Variants in EEF2K observed in about 807,000 individuals in gnomAD.
EEF2K encodes alternative protein EEF2K.
In EEF2K, 70 loss-of-function variants were observed where a neutral mutation model predicts 93.8. The ratio of observed to expected loss-of-function variants is 0.75; its 90% CI spans 0.62 to 0.91. The LOEUF (loss-of-function observed/expected upper bound fraction) is 0.91, where lower values mean the gene tolerates loss of function less well. EEF2K is among the 40% of genes least tolerant of loss of function. EEF2K has a pLI of 0.00. For missense variants in EEF2K, 935 were observed against 972.9 expected (o/e 0.96, Z 0.52); for synonymous variants, 376 against 380.8 (o/e 0.99, Z 0.15).
chr16:22,232,296 A>G (rs1182911652), intron 2 of EEF2K, among the ~76,000 whole-genome samples: 1 of 152,082 alleles, frequency 6.6e-6, no homozygotes, highest in Admixed American at 6.6e-5. Flanking sequence ...GCATGATCAT[A>G]ACTCACTGCA....
chr16:22,210,710 G>A (rs1226504651), intron 1 of EEF2K, among the ~76,000 whole-genome samples: 2 of 152,130 alleles, frequency 1.3e-5, no homozygotes, highest in African/African-American at 4.8e-5. Context: ...GTTCAGGGGA[G>A]GCTTCATGAA....
rs1460742413 is a variant in EEF2K at position 22,273,644 on chromosome 16, AC to A, written c.1785del (p.Gly597AspfsTer6). 5.0e-6 allele frequency: 8 copies of A among 1,614,140 alleles called. No individual in the cohort carries two copies. In the East Asian group the frequency reaches 1.8e-4, roughly 36 times the overall value. ...TCAACAGGAGACAGAAGAGAACAAA[AC>A]CAAAGGATTTGATTACTTACTAAAG... ...VSLKETEENK[T>X]KGFDYLLKAA... On this transcript the variant is annotated frameshift_variant, in exon 16 of 18. Transcript: ENST00000263026. LOFTEE classifies it high-confidence loss of function.
chr16:22,210,756 CAGTCAAGTTGGCCAGGGGATGAGT>C (rs1405954551), intron 1 of EEF2K, among the ~76,000 whole-genome samples: 1 of 152,094 alleles, frequency 6.6e-6, no homozygotes, highest in African/African-American at 2.4e-5. Context: ...GAGGGATGAG[CAGTCAAGTTGGCCAGGGGATGAGT>C]AGGGAGGACA....
chr16:22,243,064 G>GA lies in EEF2K; in HGVS notation c.247-1557dup, dbSNP rs201829985. Among the ~76,000 whole-genome samples the GA allele has an allele frequency of 3.5e-4, 52 of 149,136 alleles. No homozygotes were observed. In the South Asian group the frequency reaches 5.7e-3, roughly 16 times the overall value. On this transcript the variant is annotated intron_variant, in intron 2 of 17. Coordinates refer to ENST00000263026, the MANE Select transcript of EEF2K (RefSeq NM_013302.5). ...GGGACAGGGTGAGACCCCGTCTCTT[G>GA]AAAAAAAAATAAAAAATAAAAAAGG...
intron 1 of EEF2K, among the ~76,000 whole-genome samples, chr16:22,223,943 A>G (rs746068745): frequency 3.9e-5 from 6 of 152,182 alleles, no homozygotes; most frequent in Non-Finnish European, 8.8e-5. Flanking sequence ...GTGGTGGCTC[A>G]CATCTGTAAT....
intron 2 of EEF2K, among the ~76,000 whole-genome samples, chr16:22,240,917 G>A (rs60943562): frequency 1.5e-4 from 23 of 151,956 alleles, no homozygotes; most frequent in African/African-American, 5.3e-4. Context: ...TTACAGGCTC[G>A]TGCCACCATG....
chr16:22,268,858 G>A (rs1430102271), intron 15 of EEF2K, among the ~76,000 whole-genome samples: 3 of 151,818 alleles, frequency 2.0e-5, no homozygotes, highest in Non-Finnish European at 4.4e-5. Flanking sequence ...TTGGGAGGCT[G>A]AGGCAGGAGA....
chr16:22,269,323 C>A lies in EEF2K; in HGVS notation c.1764+2447C>A, dbSNP rs189178609. ...CTCCATCTTTCCCTCGTGTCCCTATCTCCCTGTTTCTTCTGCTCTTGTAAA... is the reference window on the plus strand; with the variant it reads ...CTCCATCTTTCCCTCGTGTCCCTATATCCCTGTTTCTTCTGCTCTTGTAAA... On this transcript the variant is annotated intron_variant, in intron 15 of 17. Coordinates refer to ENST00000263026, the MANE Select transcript of EEF2K (RefSeq NM_013302.5). Among the ~76,000 whole-genome samples, 916 of 152,234 alleles carry A rather than the reference C, an allele frequency of 6.0e-3. 6 individuals carry two copies. Among genetic ancestry groups the A allele is most frequent in the Non-Finnish European group, 0.01 (683 of 68,014 alleles).
At chr16:22,209,071 C>T (rs1435694825) in intron 1 of EEF2K, among the ~76,000 whole-genome samples, 1 of 152,194 alleles carries the variant, frequency 6.6e-6, no homozygotes, top group African/African-American at 2.4e-5. Flanking sequence ...CTCTGTTGCC[C>T]AGGCTGGAGT....
intron 2 of EEF2K, among the ~76,000 whole-genome samples, chr16:22,234,100 A>G (rs1212526194): frequency 6.6e-6 from 1 of 152,150 alleles, no homozygotes; most frequent in Non-Finnish European, 1.5e-5. Flanking sequence ...CCCCCCCCAG[A>G]GGTGAACTGG....
Position 22,256,823 on chromosome 16 carries a change from A to G in EEF2K, c.694A>G (p.Ile232Val). ...GKPLFHLEHY[I>V]EGKYIKYNSN... is the part of the protein sequence containing the mutation. ...GCCCCTCTTCCACCTGGAGCACTAC[A>G]TCGAGGGCAAGTACATCAAGTACAA... The change falls in exon 7 of 18, where the codon ATC becomes GTC. Residue 232 changes from isoleucine (I) to valine (V), a missense_variant. By Grantham distance (29) the Ile-to-Val change is conservative. Coordinates refer to ENST00000263026, the MANE Select transcript of EEF2K (RefSeq NM_013302.5). The G allele has an allele frequency of 1.2e-6, 2 of 1,614,180 alleles. No homozygotes were observed. The highest frequency in any genetic ancestry group is 1.7e-6 in the Non-Finnish European group (2 of 1,180,038).
In EEF2K at chr16:22,250,717, G is replaced by A; in HGVS notation, c.446+26G>A. The A allele has an allele frequency of 3.1e-6, 5 of 1,614,076 alleles. No homozygotes were observed. In the South Asian group the frequency reaches 4.4e-5, roughly 14 times the overall value. ...GTAAGTGACTCAGCCTGGCTCTTGG[G>A]GCCCTGCCCAGAGTCCCCCCAGGCT... On this transcript the variant is annotated intron_variant, in intron 5 of 17. Transcript: ENST00000263026.
At chr16:22,250,468 C>T (rs1328565793) in intron 4 of EEF2K, among the ~76,000 whole-genome samples, 186 bp from the exon 5 acceptor site, 1 of 152,084 alleles carries the variant, frequency 6.6e-6, no homozygotes, top group Non-Finnish European at 1.5e-5. Context: ...CTGGCAGCCT[C>T]TGGGTTGGAA....
chr16:22,268,520 G>A (rs2047546602), intron 15 of EEF2K, among the ~76,000 whole-genome samples: 1 of 152,018 alleles, frequency 6.6e-6, no homozygotes. Flanking sequence ...AAGTTGGAGT[G>A]CAGTGGCATG....
chr16:22,256,931 C>A (rs778733261), intron 7 of EEF2K, 34 bp downstream of exon 7: 1 of 1,610,940 alleles, frequency 6.2e-7, no homozygotes, highest in African/African-American at 1.3e-5. Context: ...CTCTGCCCAC[C>A]ACAGCCCTTG....
intron 2 of EEF2K, among the ~76,000 whole-genome samples, chr16:22,242,708 A>C (rs2047236196): frequency 6.6e-6 from 1 of 152,086 alleles, no homozygotes; most frequent in African/African-American, 2.4e-5. Context: ...AAGGCCGGGA[A>C]TGCCAGCAAC....
At chr16:22,252,249 G>T (rs1029497285) in intron 6 of EEF2K, among the ~76,000 whole-genome samples, 3 of 152,202 alleles carry the variant, frequency 2.0e-5, no homozygotes, top group Non-Finnish European at 2.9e-5. Context: ...TTATGTAACT[G>T]AAAAATAATG....
chr16:22,266,903 C>A lies in EEF2K; in HGVS notation c.1764+27C>A, dbSNP rs1320631134. On this transcript the variant is annotated intron_variant, in intron 15 of 17. Transcript: ENST00000263026. Reference sequence around the variant, plus strand: ...TGAGCAGGTGGCGGGGACCCAGCTGCAGGTGGGGGTGGGACTTGGTCACCC... The same window carrying A: ...TGAGCAGGTGGCGGGGACCCAGCTGAAGGTGGGGGTGGGACTTGGTCACCC... 2.5e-6 allele frequency: 4 copies of A among 1,580,214 alleles called. No individual in the cohort carries two copies. In the East Asian group the frequency reaches 9.0e-5, roughly 36 times the overall value.
chr16:22,220,650 C>G (rs2047002718), intron 1 of EEF2K, among the ~76,000 whole-genome samples: 1 of 152,144 alleles, frequency 6.6e-6, no homozygotes, highest in Non-Finnish European at 1.5e-5. Context: ...TCGCCATGTT[C>G]CCCAGGCTGG....
Sources: gnomAD v4.1 joint callset for allele counts (sites outside exome capture counted in the v4.1 genomes callset) on GRCh38, gnomAD v4.1.1 for gene constraint, MANE v1.5 for transcripts, NCBI Gene and HGNC (gene_info 2026-07-23, HGNC 2026-07-21) for gene names.